Variants in MARK1 observed in about 807,000 individuals in gnomAD.
MARK1 encodes serine/threonine-protein kinase MARK1.
MARK1 carries 40 observed loss-of-function variants against 96.3 expected under a neutral mutation model. The ratio of observed to expected loss-of-function variants is 0.42; its 90% CI spans 0.32 to 0.54. The LOEUF (loss-of-function observed/expected upper bound fraction) is 0.54, where lower values mean the gene tolerates loss of function less well. MARK1 is among the 20% of genes least tolerant of loss of function. The pLI is 0.16. For missense variants in MARK1, 719 were observed against 984.6 expected (o/e 0.73, Z 3.61); for synonymous variants, 317 against 341.2 (o/e 0.93, Z 0.78).
chr1:220,598,418 A>ATATATATAT, intron 4 of MARK1, 39 bp downstream of exon 4: 1 of 229,300 alleles, frequency 4.4e-6, no homozygotes. Context: ...ATATATATAT[A>ATATATATAT]ATTAGCGATG....
At chr1:220,592,029 C>G (rs1314690433) in intron 3 of MARK1, among the ~76,000 whole-genome samples, 1 of 151,834 alleles carries the variant, frequency 6.6e-6, no homozygotes, top group African/African-American at 2.4e-5. Flanking sequence ...TGTCAAACAA[C>G]AAACATGTAC....
chr1:220,663,790 G>GA lies in MARK1; in HGVS notation c.*1634dup, dbSNP rs150942553. 3,725 of 146,006 alleles carry GA rather than the reference G, an allele frequency of 0.026. 154 individuals carry two copies. The highest frequency in any genetic ancestry group is 0.086 in the African/African-American group (3,411 of 39,816). 9.0% of individuals were successfully genotyped at this position (146,006 alleles called of 1,614,324 possible). On this transcript the variant is annotated 3_prime_UTR_variant, in exon 18 of 18. Coordinates refer to ENST00000366917, the MANE Select transcript of MARK1 (RefSeq NM_018650.5). ...TTTGCCTTAGCAAAGGGTGGTGTTT[G>GA]AAAAAAAAAATGTGTAGCCCCTTTT...
At chr1:220,540,091 C>G (rs972965028) in intron 1 of MARK1, among the ~76,000 whole-genome samples, 1 of 151,908 alleles carries the variant, frequency 6.6e-6, no homozygotes, top group Non-Finnish European at 1.5e-5. Flanking sequence ...TTTTTCATAA[C>G]TTAGTTTTTG....
chr1:220,605,649 T>C (rs1666024819), intron 6 of MARK1, among the ~76,000 whole-genome samples: 1 of 151,990 alleles, frequency 6.6e-6, no homozygotes, highest in African/African-American at 2.4e-5. Flanking sequence ...ATTTCTCTAA[T>C]GCTATCCCTC....
intron 2 of MARK1, among the ~76,000 whole-genome samples, chr1:220,579,908 T>C (rs1664118381): frequency 6.6e-6 from 1 of 152,182 alleles, no homozygotes; most frequent in Non-Finnish European, 1.5e-5. Context: ...AAGTTAGGTA[T>C]AAATATGTAG....
chr1:220,589,416 A>C (rs1664844222), intron 3 of MARK1, among the ~76,000 whole-genome samples: 1 of 152,220 alleles, frequency 6.6e-6, no homozygotes, highest in Non-Finnish European at 1.5e-5. Context: ...AATTGAGGGA[A>C]ATATTGATTG....
At chr1:220,528,994 C>G (rs755466747) in intron 1 of MARK1, 121 bp downstream of exon 1, 13 of 952,896 alleles carry the variant, frequency 1.4e-5, no homozygotes, top group Non-Finnish European at 1.7e-5. Flanking sequence ...GGGTCTCCAC[C>G]TGGAGCCCGG....
intron 13 of MARK1, among the ~76,000 whole-genome samples, chr1:220,649,177 C>T (rs1668735988): frequency 2.0e-5 from 3 of 151,770 alleles, no homozygotes; most frequent in Non-Finnish European, 4.4e-5. Flanking sequence ...TTTCATAATG[C>T]GTCTGCATAA....
rs187377566 is a variant in MARK1 at position 220,553,478 on chromosome 1, T to G, written c.51+24605T>G. Among the ~76,000 whole-genome samples, 104 of 152,318 alleles carry G rather than the reference T, an allele frequency of 6.8e-4. 1 individual carries two copies. Among genetic ancestry groups the G allele is most frequent in the Non-Finnish European group, 1.2e-3 (79 of 68,030 alleles). The stretch of plus-strand genomic sequence containing the variant: ...CCATACTTGTTGATTTAGACATCAA[T>G]GTAGCAGGGGAGCAGGAGTATGGGT... On this transcript the variant is annotated intron_variant, in intron 1 of 17. Transcript: ENST00000366917.
intron 1 of MARK1, among the ~76,000 whole-genome samples, chr1:220,555,126 C>G (rs895417935): frequency 6.6e-6 from 1 of 152,104 alleles, no homozygotes; most frequent in Non-Finnish European, 1.5e-5. Flanking sequence ...TGAACTGGAC[C>G]CAGTCCAAAA....
At chr1:220,569,699 A>G (rs2589581) in intron 1 of MARK1, among the ~76,000 whole-genome samples, 39,415 of 152,020 alleles carry the variant, frequency 0.26, 5,904 homozygotes, top group East Asian at 0.46. Flanking sequence ...TCACACTAAC[A>G]TATCACATAT....
rs1463837198 is a variant in MARK1 at position 220,653,331 on chromosome 1, T to C, written c.1967T>C (p.Ile656Thr). ...RGTSTGIISKITSKFVRRDPS... is the reference protein window; with the variant it reads ...RGTSTGIISKTTSKFVRRDPS... The stretch of plus-strand genomic sequence containing the variant: ...ACGTCAACTGGTATAATAAGCAAAA[T>C]CACATCCAAATTTGTTCGCAGGTCA... The change falls in exon 16 of 18, where the codon ATC becomes ACC. Residue 656 changes from isoleucine to threonine, a missense_variant. By Grantham distance (89) the Ile-to-Thr change is moderately conservative (BLOSUM62 -1). Coordinates refer to ENST00000366917, the MANE Select transcript of MARK1 (RefSeq NM_018650.5). The C allele has an allele frequency of 6.2e-7, 1 of 1,614,216 alleles. No homozygotes were observed. Among genetic ancestry groups the C allele is most frequent in the African/African-American group, 1.3e-5 (1 of 75,056 alleles).
chr1:220,660,226 A>G (rs1669400081), intron 17 of MARK1, among the ~76,000 whole-genome samples: 1 of 152,202 alleles, frequency 6.6e-6, no homozygotes, highest in African/African-American at 2.4e-5. Flanking sequence ...GCAAGCCCTA[A>G]GAGGCCTGTG....
At chr1:220,610,980 G>T (rs1437418005) in intron 6 of MARK1, among the ~76,000 whole-genome samples, 2 of 152,192 alleles carry the variant, frequency 1.3e-5, no homozygotes, top group Non-Finnish European at 2.9e-5. Context: ...TATATGAGGT[G>T]TCTGTCAGCC....
chr1:220,618,854 A>C lies in MARK1; in HGVS notation c.909+99A>C. 1 of 1,043,772 alleles carries C rather than the reference A, an allele frequency of 9.6e-7. No homozygotes were observed. Among genetic ancestry groups the C allele is most frequent in the African/African-American group, 1.6e-5 (1 of 61,314 alleles). 64.7% of individuals were successfully genotyped at this position (1,043,772 alleles called of 1,614,324 possible). A position where few individuals can be genotyped will look rare whatever the true frequency, so the allele number is the denominator to read the frequency against. On this transcript the variant is annotated intron_variant, in intron 9 of 17. Transcript: ENST00000366917. The surrounding 1 kb of genome is among the most constrained non-coding windows in gnomAD (Gnocchi z 4.6). Reference sequence around the variant, plus strand: ...CCTATGTTTTCTTAGGAAAATTGCCAAATTATCTAATCTGCCTTTTGTTTG... The same window carrying C: ...CCTATGTTTTCTTAGGAAAATTGCCCAATTATCTAATCTGCCTTTTGTTTG...
At chr1:220,540,800 G>A (rs979884017) in intron 1 of MARK1, among the ~76,000 whole-genome samples, 2 of 151,110 alleles carry the variant, frequency 1.3e-5, no homozygotes. Flanking sequence ...TTTTTCTGTT[G>A]TTTTTGTATT....
At chr1:220,536,561 C>CT (rs758585570) in intron 1 of MARK1, among the ~76,000 whole-genome samples, 2,452 of 145,712 alleles carry the variant, frequency 0.017, 31 homozygotes, top group South Asian at 0.043. Flanking sequence ...TCCTCTCTCT[C>CT]TTTTTTTTTT....
At chr1:220,603,656 G>T (rs1381246226) in intron 5 of MARK1, among the ~76,000 whole-genome samples, 1 of 152,158 alleles carries the variant, frequency 6.6e-6, no homozygotes, top group African/African-American at 2.4e-5. Flanking sequence ...ATTTAAAAGA[G>T]CAATCCAACA....
chr1:220,628,224 G>A (rs901863175), intron 9 of MARK1, among the ~76,000 whole-genome samples: 3 of 151,898 alleles, frequency 2.0e-5, no homozygotes, highest in Non-Finnish European at 4.4e-5. Flanking sequence ...TATCTCTATC[G>A]ACTCCTTTTC....
Sources: gnomAD v4.1 joint callset for allele counts (sites outside exome capture counted in the v4.1 genomes callset) on GRCh38, gnomAD v4.1.1 for gene constraint, Gnocchi (gnomAD v3.1) non-coding constraint, MANE v1.5 for transcripts, NCBI Gene and HGNC (gene_info 2026-07-23, HGNC 2026-07-21) for gene names.